Variants in NCKAP1 observed in about 807,000 individuals in gnomAD.
The protein encoded by NCKAP1 is NCK associated protein 1.
Under a neutral mutation model 151.2 loss-of-function variants are expected in NCKAP1, and 21 were observed. That is an observed-to-expected ratio of 0.14 (90% confidence interval 0.10 to 0.20). The LOEUF is 0.20. Ranked by LOEUF, NCKAP1 falls within the 10% of genes least tolerant of loss-of-function variation. NCKAP1 has a pLI of 1.00. For missense variants in NCKAP1, 933 were observed against 1,352.1 expected (o/e 0.69, Z 4.86); for synonymous variants, 484 against 451.8 (o/e 1.07, Z -0.90).
intron 22 of NCKAP1, 85 bp downstream of exon 22, chr2:182,952,708 C>A: frequency 1.4e-6 from 2 of 1,381,556 alleles, no homozygotes; most frequent in African/African-American, 1.5e-5. Flanking sequence ...ATAGTCACAA[C>A]AGAATCAAAA....
chr2:183,000,676 A>G (rs890119300), intron 6 of NCKAP1, among the ~76,000 whole-genome samples: 3 of 152,202 alleles, frequency 2.0e-5, no homozygotes, highest in Admixed American at 1.3e-4. Context: ...ACCAATTCCA[A>G]GACAGAAAAC....
chr2:182,983,763 T>C (rs1575046757), intron 10 of NCKAP1, among the ~76,000 whole-genome samples: 1 of 152,212 alleles, frequency 6.6e-6, no homozygotes, highest in Non-Finnish European at 1.5e-5. Flanking sequence ...CCAGGCACAG[T>C]GGCCCATGCC....
rs182366275 is a variant in NCKAP1 at position 183,024,815 on chromosome 2, T to G, written c.109-899A>C. On this transcript the variant is annotated intron_variant, in intron 1 of 30. Coordinates refer to ENST00000361354, the MANE Select transcript of NCKAP1 (RefSeq NM_013436.5). ...TGAAAAGGATGTGTCCTTTGGAAAG[T>G]TACATCTGTCTGCCATGTGTGAGGA... Among the ~76,000 whole-genome samples the G allele has an allele frequency of 1.2e-3, 190 of 152,324 alleles. 2 individuals are homozygous for G. The highest frequency in any genetic ancestry group is 4.4e-3 in the African/African-American group (184 of 41,588).
In NCKAP1 at chr2:182,923,281, C is replaced by CT. The variant is rs905083843; in HGVS notation, c.*2420dup. On this transcript the variant is annotated 3_prime_UTR_variant, in exon 31 of 31. Transcript: ENST00000361354. ...TCCAATCTATCCAAATGAGTATTTTCTTTTTTTTTTTGAGACAGTCTCATT... is the reference window on the plus strand; with the variant it reads ...TCCAATCTATCCAAATGAGTATTTTCTTTTTTTTTTTTGAGACAGTCTCATT... 3,760 of 146,830 alleles carry CT rather than the reference C, an allele frequency of 0.026. 139 individuals are homozygous for CT. Among genetic ancestry groups the CT allele is most frequent in the African/African-American group, 0.081 (3,271 of 40,366 alleles). 9.1% of individuals were successfully genotyped at this position (146,830 alleles called of 1,614,324 possible).
intron 1 of NCKAP1, among the ~76,000 whole-genome samples, chr2:183,029,068 G>C (rs1698955525): frequency 6.6e-6 from 1 of 151,990 alleles, no homozygotes; most frequent in African/African-American, 2.4e-5. Flanking sequence ...AGTGAGCCAA[G>C]ATCGCGCCAC....
Position 182,909,163 on chromosome 2 carries a change from ATC to A in NCKAP1, c.*16537_*16538del, listed in dbSNP as rs1229951377. The A allele has an allele frequency of 6.6e-6, 1 of 152,236 alleles. No homozygotes were observed. The highest frequency in any genetic ancestry group is 2.4e-5 in the African/African-American group (1 of 41,460). The allele number at this position is 152,236 out of a possible 1,614,324, so 9.4% of individuals were successfully genotyped here. On this transcript the variant is annotated 3_prime_UTR_variant, in exon 31 of 31. Coordinates refer to ENST00000361354, the MANE Select transcript of NCKAP1 (RefSeq NM_013436.5). ...TTTGACACCACCAAAAGGAATGTAG[ATC>A]TCTCTGTTTTGATCTGGAAATAGGT...
chr2:182,962,501 T>G (rs912474051), intron 17 of NCKAP1, among the ~76,000 whole-genome samples: 11 of 152,124 alleles, frequency 7.2e-5, no homozygotes, highest in African/African-American at 2.4e-4. Flanking sequence ...AATGTATAAC[T>G]GGGAGGAGTC....
At chr2:182,933,476 C>T (rs1696807861) in intron 26 of NCKAP1, among the ~76,000 whole-genome samples, 1 of 150,416 alleles carries the variant, frequency 6.6e-6, no homozygotes, top group Admixed American at 6.6e-5. Flanking sequence ...TCACCACAAC[C>T]TGCACCTCCT....
At chr2:182,925,903 T>C (rs999116251) in intron 30 of NCKAP1, 85 bp from the exon 31 acceptor site, 5 of 621,218 alleles carry the variant, frequency 8.0e-6, no homozygotes, top group African/African-American at 1.9e-5. Flanking sequence ...AATGGGAACA[T>C]TTATTGACAA....
chr2:182,952,996 A>C, intron 21 of NCKAP1, 73 bp from the exon 22 acceptor site: 1 of 1,504,668 alleles, frequency 6.6e-7, no homozygotes, highest in Admixed American at 2.1e-5. Context: ...ACATTCCTGC[A>C]TATAATTTTA....
chr2:182,932,415 A>C (rs1020355777), intron 26 of NCKAP1, among the ~76,000 whole-genome samples: 3 of 152,174 alleles, frequency 2.0e-5, no homozygotes, highest in African/African-American at 7.2e-5. Context: ...GCTAATTTAA[A>C]CAGAAAGTAG....
In NCKAP1 at chr2:182,994,895, A is replaced by T. The variant is rs1698237786; in HGVS notation, c.742-8T>A. The T allele has an allele frequency of 3.1e-6, 5 of 1,595,356 alleles. No individual in the cohort carries two copies. In the South Asian group the frequency reaches 5.5e-5, roughly 18 times the overall value. On this transcript the variant is annotated splice_polypyrimidine_tract_variant and splice_region_variant and intron_variant, in intron 7 of 30. Transcript: ENST00000361354. ...GAGGTATTCACAAGGCATCTTAAAA[A>T]GAGAATATATACATTTGCAGTTAAA...
chr2:182,989,178 T>C lies in NCKAP1; in HGVS notation c.799A>G (p.Ile267Val). ...GTATTTAGGATCCCATGGCACAAAA[T>C]AAAGCCAACTTTAAATAAAAAGAAA... ...AMEKWIIFGF[I>V]LCHGILNTDA... Residue 267 changes from isoleucine (I) to valine (V), a missense_variant, in exon 9 of 31, where the codon ATT (isoleucine) becomes GTT (valine). Transcript: ENST00000361354. 3 of 1,582,836 alleles carry C rather than the reference T, an allele frequency of 1.9e-6. No individual in the cohort carries two copies. Among genetic ancestry groups the C allele is most frequent in the Non-Finnish European group, 2.6e-6 (3 of 1,170,384 alleles).
At chr2:182,994,523 C>T (rs940901710) in intron 8 of NCKAP1, among the ~76,000 whole-genome samples, 1 of 151,908 alleles carries the variant, frequency 6.6e-6, no homozygotes, top group Admixed American at 6.6e-5. Context: ...CCTGTTGTCC[C>T]GGCTACTCGG....
chr2:183,023,238 G>T (rs1465090670), intron 2 of NCKAP1, among the ~76,000 whole-genome samples: 1 of 152,038 alleles, frequency 6.6e-6, no homozygotes, highest in Non-Finnish European at 1.5e-5. Flanking sequence ...AACATATCAG[G>T]AAGATTCTGA....
At chr2:182,965,605 ATTTCT>A (rs1306463688) in intron 16 of NCKAP1, among the ~76,000 whole-genome samples, 1 of 152,198 alleles carries the variant, frequency 6.6e-6, no homozygotes, top group Non-Finnish European at 1.5e-5. Context: ...AGTAGTAAAC[ATTTCT>A]TTATTTTGGA....
intron 2 of NCKAP1, among the ~76,000 whole-genome samples, chr2:183,014,323 G>C (rs1031405255): frequency 3.3e-5 from 5 of 152,134 alleles, no homozygotes; most frequent in African/African-American, 1.2e-4. Context: ...TGGCATTTAA[G>C]CACAGACCTG....
chr2:182,969,934 T>C (rs977052968), intron 15 of NCKAP1, among the ~76,000 whole-genome samples: 18 of 151,320 alleles, frequency 1.2e-4, no homozygotes, highest in African/African-American at 4.1e-4. Context: ...AAATCAGAAA[T>C]AGAAAAGGAG....
chr2:182,983,502 A>C, intron 10 of NCKAP1, 120 bp from the exon 11 acceptor site: 1 of 618,010 alleles, frequency 1.6e-6, no homozygotes, highest in South Asian at 2.4e-5. Flanking sequence ...CAAAGTTCCT[A>C]TAAAAATCAT....
Sources: allele counts gnomAD v4.1 joint callset (sites outside exome capture counted in the v4.1 genomes callset), GRCh38; gene constraint gnomAD v4.1.1; transcripts MANE v1.5; gene names NCBI Gene and HGNC (gene_info 2026-07-23, HGNC 2026-07-21).